SESTD1: variants seen among roughly 807,000 people sequenced by gnomAD.
The protein encoded by SESTD1 is SEC14 and spectrin domain containing 1.
In SESTD1, 43 loss-of-function variants were observed where a neutral mutation model predicts 101.7. That is an observed-to-expected ratio of 0.42 (90% confidence interval 0.33 to 0.55). The LOEUF (loss-of-function observed/expected upper bound fraction) is 0.55, where lower values mean the gene tolerates loss of function less well. Ranked by LOEUF, SESTD1 falls within the 20% of genes least tolerant of loss-of-function variation. The probability of loss-of-function intolerance (pLI) is 0.07; values close to 1 mark genes in which losing one functional copy is unlikely to be tolerated. For missense variants in SESTD1, 647 were observed against 815.1 expected (o/e 0.79, Z 2.51); for synonymous variants, 283 against 286.8 (o/e 0.99, Z 0.13).
rs1051758884 is a variant in SESTD1 at position 179,106,461 on chromosome 2, C to T, written c.*3438G>A. ...AAATGTAGACCATAGATTCAGCTAA[C>T]TTCATAATCACATCATTGGTAACAA... On this transcript the variant is annotated 3_prime_UTR_variant, in exon 18 of 18. Coordinates refer to ENST00000428443, the MANE Select transcript of SESTD1 (RefSeq NM_178123.5). 6.6e-6 allele frequency: 1 copy of T among 152,138 alleles called. No individual in the cohort carries two copies. The highest frequency in any genetic ancestry group is 2.4e-5 in the African/African-American group (1 of 41,440). 9.4% of individuals were successfully genotyped at this position (152,138 alleles called of 1,614,324 possible). A position where few individuals can be genotyped will look rare whatever the true frequency, so the allele number is the denominator to read the frequency against.
intron 10 of SESTD1, among the ~76,000 whole-genome samples, chr2:179,126,167 C>T (rs2044868973): frequency 6.6e-6 from 1 of 152,128 alleles, no homozygotes; most frequent in South Asian, 2.1e-4. Flanking sequence ...TAAAGGAGTT[C>T]TCTGTATTTA....
At chr2:179,127,876 A>C (rs181506265) in intron 10 of SESTD1, among the ~76,000 whole-genome samples, 69 of 152,368 alleles carry the variant, frequency 4.5e-4, no homozygotes, top group Admixed American at 1.2e-3. Context: ...GAAAATTATC[A>C]CTGTCATGCT....
chr2:179,260,190 T>A (rs2047462562), intron 1 of SESTD1, among the ~76,000 whole-genome samples: 1 of 152,222 alleles, frequency 6.6e-6, no homozygotes, highest in Non-Finnish European at 1.5e-5. Flanking sequence ...TCACATATCA[T>A]TTAATATTTC....
At chr2:179,232,263 T>C (rs2046999255) in intron 1 of SESTD1, among the ~76,000 whole-genome samples, 1 of 151,832 alleles carries the variant, frequency 6.6e-6, no homozygotes, top group Non-Finnish European at 1.5e-5. Context: ...AGATACAAAA[T>C]TATATATTTA....
chr2:179,120,058 G>A (rs529596649), intron 13 of SESTD1, among the ~76,000 whole-genome samples: 14 of 151,928 alleles, frequency 9.2e-5, no homozygotes, highest in Admixed American at 6.5e-4. Flanking sequence ...GTGAAACACC[G>A]TCTCTACTAA....
chr2:179,121,401 T>C (rs530966500), intron 13 of SESTD1, among the ~76,000 whole-genome samples: 1 of 152,250 alleles, frequency 6.6e-6, no homozygotes, highest in East Asian at 1.9e-4. Flanking sequence ...AAGAAACAGA[T>C]CAATGTAGAT....
At chr2:179,202,176 A>G (rs1164293142) in intron 1 of SESTD1, among the ~76,000 whole-genome samples, 1 of 133,486 alleles carries the variant, frequency 7.5e-6, no homozygotes, top group Non-Finnish European at 1.6e-5. Context: ...TGTTCTTAAT[A>G]AAACTGCAAG....
chr2:179,117,953 G>T (rs979200252), intron 13 of SESTD1, among the ~76,000 whole-genome samples: 1 of 152,090 alleles, frequency 6.6e-6, no homozygotes, highest in Non-Finnish European at 1.5e-5. Context: ...AAGGATAAAA[G>T]TGTAATGTTT....
rs114087197 is a variant in SESTD1 at position 179,246,692 on chromosome 2, T to G, written c.-26+17807A>C. Among the ~76,000 whole-genome samples, 13 of 152,290 alleles carry G rather than the reference T, an allele frequency of 8.5e-5. No individual in the cohort carries two copies. The East Asian group carries it at 2.5e-3, about 29-fold the overall frequency. On this transcript the variant is annotated intron_variant, in intron 1 of 17. Coordinates refer to ENST00000428443, the MANE Select transcript of SESTD1 (RefSeq NM_178123.5). Reference sequence around the variant, plus strand: ...CAGACTAAGATAGATCAAACCAAGATAGACCTGAGCAATAAAGCAAATCTC... The same window carrying G: ...CAGACTAAGATAGATCAAACCAAGAGAGACCTGAGCAATAAAGCAAATCTC...
rs1575415950 is a variant in SESTD1 at position 179,109,565 on chromosome 2, T to C, written c.*334A>G. On this transcript the variant is annotated 3_prime_UTR_variant, in exon 18 of 18. Coordinates refer to ENST00000428443, the MANE Select transcript of SESTD1 (RefSeq NM_178123.5). ...GGGCAACTTTTTTTTTTCTTTTTAA[T>C]AGAGAGAATTCCTACTCTTATTAGC... 2 of 396,828 alleles carry C rather than the reference T, an allele frequency of 5.0e-6. No individual in the cohort carries two copies. Among genetic ancestry groups the C allele is most frequent in the East Asian group, 3.6e-5 (1 of 27,968 alleles). The allele number at this position is 396,828 out of a possible 1,614,324, so 24.6% of individuals were successfully genotyped here.
chr2:179,226,413 C>CTT (rs2046886557), intron 1 of SESTD1, among the ~76,000 whole-genome samples: 1 of 152,208 alleles, frequency 6.6e-6, no homozygotes, highest in African/African-American at 2.4e-5. Flanking sequence ...TATTCCTTGT[C>CTT]TTGTTAGGCC....
At chr2:179,201,715 C>A (rs1470454882) in intron 1 of SESTD1, among the ~76,000 whole-genome samples, 2 of 116,086 alleles carry the variant, frequency 1.7e-5, no homozygotes, top group African/African-American at 3.7e-5. Context: ...TAGGTGGGAA[C>A]TGAACAATGA....
chr2:179,263,059 A>G (rs570211013), intron 1 of SESTD1, among the ~76,000 whole-genome samples: 1 of 152,318 alleles, frequency 6.6e-6, no homozygotes, highest in East Asian at 1.9e-4. Flanking sequence ...CCAATTTTTA[A>G]GGTTAAATTT....
At chr2:179,134,775 A>G (rs968182063) in intron 9 of SESTD1, among the ~76,000 whole-genome samples, 4 of 152,172 alleles carry the variant, frequency 2.6e-5, no homozygotes, top group Non-Finnish European at 5.9e-5. Context: ...CCAATTAATG[A>G]CAGTTTGAAC....
At chr2:179,225,681 A>ACGATACCCT (rs1426575317) in intron 1 of SESTD1, among the ~76,000 whole-genome samples, 1 of 152,168 alleles carries the variant, frequency 6.6e-6, no homozygotes, top group Non-Finnish European at 1.5e-5. Context: ...AGGTGTCCTC[A>ACGATACCCT]CATTGCAGAA....
intron 1 of SESTD1, among the ~76,000 whole-genome samples, chr2:179,262,253 G>A (rs570808770): frequency 2.6e-5 from 4 of 152,274 alleles, no homozygotes; most frequent in Admixed American, 2.6e-4. Flanking sequence ...TCTTTTTAGG[G>A]TAATAACGTT....
At chr2:179,194,378 C>T (rs2046360155) in intron 1 of SESTD1, among the ~76,000 whole-genome samples, 1 of 152,190 alleles carries the variant, frequency 6.6e-6, no homozygotes, top group Non-Finnish European at 1.5e-5. Context: ...TGTTCCCTTC[C>T]TAATGTCTGA....
chr2:179,117,447 A>G, intron 14 of SESTD1, 85 bp downstream of exon 14: 1 of 1,256,210 alleles, frequency 8.0e-7, no homozygotes, highest in Non-Finnish European at 1.1e-6. Flanking sequence ...TTTTAGGACC[A>G]TGAAAAGTAC....
intron 5 of SESTD1, among the ~76,000 whole-genome samples, chr2:179,163,902 C>A (rs920867730): frequency 1.3e-5 from 2 of 152,112 alleles, no homozygotes; most frequent in Non-Finnish European, 2.9e-5. Flanking sequence ...TTCTCTTTTA[C>A]TCTCATTATT....
Sources: allele counts gnomAD v4.1 joint callset (sites outside exome capture counted in the v4.1 genomes callset), GRCh38; gene constraint gnomAD v4.1.1; transcripts MANE v1.5; gene names NCBI Gene and HGNC (gene_info 2026-07-23, HGNC 2026-07-21).